The following PRKG1 variants were observed in gnomAD, a reference collection of about 807,000 sequenced individuals.
The protein encoded by PRKG1 is protein kinase cGMP-dependent 1.
In PRKG1, 35 loss-of-function variants were observed where a neutral mutation model predicts 88.1. That is an observed-to-expected ratio of 0.40 (90% CI 0.30 to 0.53). The LOEUF (loss-of-function observed/expected upper bound fraction) is 0.53. Among genes scored for constraint, PRKG1 ranks in the 20% least tolerant of loss-of-function variants. PRKG1 has a pLI of 0.59. For missense variants in PRKG1, 540 were observed against 839.8 expected (o/e 0.64, Z 4.41); for synonymous variants, 303 against 292.5 (o/e 1.04, Z -0.37).
intron 2 of PRKG1, among the ~76,000 whole-genome samples, chr10:51,417,752 A>T (rs1588938023): frequency 6.6e-6 from 1 of 152,118 alleles, no homozygotes; most frequent in East Asian, 1.9e-4. Flanking sequence ...TTTATATTTA[A>T]TTAAGTTATA....
intron 2 of PRKG1, among the ~76,000 whole-genome samples, chr10:51,200,213 G>C (rs959290921): frequency 6.6e-6 from 1 of 152,186 alleles, no homozygotes; most frequent in Non-Finnish European, 1.5e-5. Context: ...CTAGTTCTGG[G>C]AATAGTTAAG....
intron 7 of PRKG1, among the ~76,000 whole-genome samples, chr10:52,099,224 T>C (rs1397845099): frequency 6.6e-6 from 1 of 152,090 alleles, no homozygotes. Context: ...CTTTCACTTG[T>C]GGCTACCTGT....
intron 2 of PRKG1, among the ~76,000 whole-genome samples, chr10:51,217,070 A>G (rs1198331515): frequency 6.6e-6 from 1 of 152,130 alleles, no homozygotes; most frequent in Non-Finnish European, 1.5e-5. Context: ...CATGGGTGAT[A>G]GTTAAAGTTT....
chr10:51,907,452 T>A, intron 4 of PRKG1, 55 bp from the exon 5 acceptor site: 1 of 1,379,806 alleles, frequency 7.2e-7, no homozygotes, highest in Non-Finnish European at 1.0e-6. Context: ...TTTTTATTAC[T>A]TATGAAAGTA....
chr10:52,073,200 A>G (rs1846545106), intron 7 of PRKG1, among the ~76,000 whole-genome samples: 2 of 152,124 alleles, frequency 1.3e-5, no homozygotes, highest in South Asian at 4.1e-4. Flanking sequence ...CTTTATGAGA[A>G]CACCAGTCAT....
At chr10:51,803,866 T>G (rs1839237643) in intron 3 of PRKG1, among the ~76,000 whole-genome samples, 1 of 152,200 alleles carries the variant, frequency 6.6e-6, no homozygotes, top group African/African-American at 2.4e-5. Flanking sequence ...TTTAAAAGTG[T>G]TACAAACTAT....
intron 17 of PRKG1, among the ~76,000 whole-genome samples, chr10:52,293,534 A>G (rs1346460072): frequency 1.3e-5 from 2 of 152,186 alleles, no homozygotes; most frequent in Non-Finnish European, 2.9e-5. Flanking sequence ...CTTTGTTTCC[A>G]TAGCTCTAGC....
chr10:51,723,205 A>G (rs1842054357), intron 3 of PRKG1, among the ~76,000 whole-genome samples: 3 of 152,230 alleles, frequency 2.0e-5, no homozygotes, highest in Non-Finnish European at 2.9e-5. Context: ...TCACAATAAG[A>G]AAGACTTGGA....
chr10:52,246,307 A>G (rs768904821), intron 9 of PRKG1, among the ~76,000 whole-genome samples: 16 of 152,182 alleles, frequency 1.1e-4, no homozygotes, highest in African/African-American at 3.9e-4. Context: ...AATGACTATT[A>G]TCTATTTTCC....
At chr10:51,048,093 C>T (rs889336948) in intron 1 of PRKG1, among the ~76,000 whole-genome samples, 4 of 152,108 alleles carry the variant, frequency 2.6e-5, no homozygotes, top group Non-Finnish European at 5.9e-5. Context: ...GTTCATGCAG[C>T]CCTGCTATTC....
At chr10:51,936,780 A>G (rs1380560984) in intron 5 of PRKG1, among the ~76,000 whole-genome samples, 1 of 152,094 alleles carries the variant, frequency 6.6e-6, no homozygotes, top group Non-Finnish European at 1.5e-5. Context: ...AAAGGAAATG[A>G]CAAATAGAAT....
chr10:52,241,060 T>G (rs924577017), intron 9 of PRKG1, among the ~76,000 whole-genome samples: 3 of 152,148 alleles, frequency 2.0e-5, no homozygotes, highest in African/African-American at 7.2e-5. Context: ...AATATGAATC[T>G]TGGGAAGGGA....
chr10:51,949,681 G>A (rs1843139051), intron 5 of PRKG1, among the ~76,000 whole-genome samples: 1 of 152,018 alleles, frequency 6.6e-6, no homozygotes, highest in Non-Finnish European at 1.5e-5. Context: ...CTTCCAGGGT[G>A]GTAGCTGTGA....
At chr10:51,195,897 T>C (rs746613276) in intron 2 of PRKG1, among the ~76,000 whole-genome samples, 5 of 152,186 alleles carry the variant, frequency 3.3e-5, no homozygotes, top group Non-Finnish European at 5.9e-5. Flanking sequence ...ATTCCAGTTT[T>C]ATAGAGAGAT....
At chr10:51,228,113 A>C (rs1012306814) in intron 2 of PRKG1, among the ~76,000 whole-genome samples, 2 of 152,084 alleles carry the variant, frequency 1.3e-5, no homozygotes, top group Admixed American at 1.3e-4. Context: ...TGTTGAAATC[A>C]CACATTCTTT....
intron 6 of PRKG1, among the ~76,000 whole-genome samples, chr10:52,058,389 A>C (rs12268753): frequency 0.2 from 30,319 of 151,946 alleles, 3,221 homozygotes; most frequent in Admixed American, 0.28. Flanking sequence ...TATCATGCCA[A>C]ATGATGCAGT....
intron 6 of PRKG1, among the ~76,000 whole-genome samples, chr10:52,059,753 A>G (rs934806587): frequency 9.2e-5 from 14 of 151,998 alleles, no homozygotes; most frequent in Admixed American, 7.9e-4. Context: ...CTATATTCCA[A>G]AAAAGAAGTA....
At chr10:51,685,023 A>G (rs1207043049) in intron 3 of PRKG1, among the ~76,000 whole-genome samples, 1 of 152,192 alleles carries the variant, frequency 6.6e-6, no homozygotes, top group Non-Finnish European at 1.5e-5. Context: ...ACAAGAAAAA[A>G]CATAAGGGCA....
chr10:51,390,010 C>T (rs1269771381), intron 2 of PRKG1, among the ~76,000 whole-genome samples: 1 of 152,188 alleles, frequency 6.6e-6, no homozygotes, highest in Non-Finnish European at 1.5e-5. Context: ...GTCATCCCTC[C>T]CTAATTGCTT....
Sources: gnomAD v4.1 joint callset for allele counts (sites outside exome capture counted in the v4.1 genomes callset) on GRCh38, gnomAD v4.1.1 for gene constraint, MANE v1.5 for transcripts, NCBI Gene and HGNC (gene_info 2026-07-23, HGNC 2026-07-21) for gene names.